The following PPL variants were observed in gnomAD, a reference collection of about 807,000 sequenced individuals.
The protein encoded by PPL is 190 kDa paraneoplastic pemphigus antigen.
PPL carries 198 observed loss-of-function variants against 194.4 expected under a neutral mutation model. The observed-to-expected ratio is 1.02, with a 90% confidence interval of 0.91 to 1.15. The LOEUF (loss-of-function observed/expected upper bound fraction) is 1.15, where lower values mean the gene tolerates loss of function less well. PPL is among the 50% of genes most tolerant of loss of function. The pLI is 0.00. For missense variants in PPL, 2,885 were observed against 2,294.8 expected (o/e 1.26, Z -5.25); for synonymous variants, 1,220 against 972.4 (o/e 1.25, Z -4.74).
Position 4,897,698 on chromosome 16 carries a change from T to C in PPL, c.949A>G (p.Lys317Glu). 6.2e-7 allele frequency: 1 copy of C among 1,613,684 alleles called. No individual in the cohort carries two copies. The highest frequency in any genetic ancestry group is 8.5e-7 in the Non-Finnish European group (1 of 1,179,830). ...ACCTGGTGGTAGTCCTCCATGTACT[T>C]GAGGTGGCTCTCCTCGCAGATGAGC... ...NLLICEESHL[K>E]YMEDYHQFHE... The change falls in exon 9 of 22, where the codon AAG becomes GAG. Residue 317 changes from lysine (K) to glutamate (E), a missense_variant. Lys to Glu is a moderately conservative substitution (Grantham distance 56). Transcript: ENST00000345988.
chr16:4,930,683 C>T (rs8049476), intron 1 of PPL, among the ~76,000 whole-genome samples: 28,864 of 152,104 alleles, frequency 0.19, 3,322 homozygotes, highest in African/African-American at 0.31. Context: ...TGGATCTACC[C>T]CAGCAGAGAG....
intron 18 of PPL, among the ~76,000 whole-genome samples, chr16:4,889,274 T>A (rs1459430181): frequency 1.0e-5 from 1 of 99,480 alleles, no homozygotes; most frequent in South Asian, 3.2e-4. Context: ...TTTTTTTTTT[T>A]GAGACAGTCT....
intron 11 of PPL, among the ~76,000 whole-genome samples, 175 bp from the exon 12 acceptor site, chr16:4,894,793 C>T (rs1368385609): frequency 1.3e-5 from 2 of 152,180 alleles, no homozygotes; most frequent in Admixed American, 6.5e-5. Flanking sequence ...GGCTGCCGGC[C>T]CAGCAACCCA....
At position 4,902,115 on chromosome 16, in the gene PPL, ACCAAGACC is replaced by A. The variant is rs1407401952; in HGVS notation, c.438+283_438+290del. Among the ~76,000 whole-genome samples, 1 of 152,162 alleles carries A rather than the reference ACCAAGACC, an allele frequency of 6.6e-6. No homozygotes were observed. Among genetic ancestry groups the A allele is most frequent in the Admixed American group, 6.6e-5 (1 of 15,262 alleles). On this transcript the variant is annotated intron_variant, in intron 4 of 21. Coordinates refer to ENST00000345988, the MANE Select transcript of PPL (RefSeq NM_002705.5). The surrounding 1 kb of genome is among the most constrained non-coding windows in gnomAD (Gnocchi z 4.0). ...CGCCCCAGCCTGCCCACAAAATGTC[ACCAAGACC>A]CCAACATGCCAGGGTTGGAAAGTGG...
intron 2 of PPL, among the ~76,000 whole-genome samples, chr16:4,905,779 C>G (rs944627813): frequency 6.6e-6 from 1 of 152,080 alleles, no homozygotes; most frequent in African/African-American, 2.4e-5. Context: ...GCCTGACTCC[C>G]CAGGGGGTTG....
chr16:4,926,888 AAAAAC>A (rs1568061140), intron 1 of PPL, among the ~76,000 whole-genome samples: 2 of 115,880 alleles, frequency 1.7e-5, no homozygotes, highest in Non-Finnish European at 3.8e-5. Context: ...CAAAAAAAAA[AAAAAC>A]AAAAAAAAAC....
At chr16:4,929,168 G>A (rs1399695911) in intron 1 of PPL, among the ~76,000 whole-genome samples, 1 of 151,750 alleles carries the variant, frequency 6.6e-6, no homozygotes, top group African/African-American at 2.4e-5. Flanking sequence ...TTTTAAGCTA[G>A]CACCCAACCT....
intron 20 of PPL, among the ~76,000 whole-genome samples, chr16:4,887,648 A>T (rs1442303802): frequency 1.3e-5 from 2 of 152,158 alleles, no homozygotes; most frequent in Admixed American, 6.5e-5. Flanking sequence ...TTTCACTCAG[A>T]CTGAAGTGCC....
chr16:4,925,893 A>C (rs1387233722), intron 1 of PPL, among the ~76,000 whole-genome samples: 5 of 152,228 alleles, frequency 3.3e-5, no homozygotes, highest in Admixed American at 6.5e-5. Context: ...TTCACCACCC[A>C]GGGAAGCAGA....
At chr16:4,900,934 G>A (rs1221667753) in intron 5 of PPL, 30 bp downstream of exon 5, 10 of 1,613,940 alleles carry the variant, frequency 6.2e-6, no homozygotes, top group Non-Finnish European at 6.8e-6. Flanking sequence ...CTCCATCCCT[G>A]GGTCCCCACC....
chr16:4,908,422 T>TTGTCTCTC (rs796281911), intron 2 of PPL, among the ~76,000 whole-genome samples: 10,339 of 148,422 alleles, frequency 0.07, 356 homozygotes, highest in African/African-American at 0.08. Flanking sequence ...TCTTCCTTCT[T>TTGTCTCTC]TCTCTCTCTC....
At chr16:4,935,974 C>T (rs1008528494) in intron 1 of PPL, among the ~76,000 whole-genome samples, 1 of 152,196 alleles carries the variant, frequency 6.6e-6, no homozygotes, top group East Asian at 1.9e-4. Context: ...TCCTTGCTAG[C>T]CCAGAGCCCC....
Position 4,883,297 on chromosome 16 carries a change from G to T in PPL, c.*87C>A. 6.3e-7 allele frequency: 1 copy of T among 1,576,306 alleles called. No individual in the cohort carries two copies. The highest frequency in any genetic ancestry group is 8.6e-7 in the Non-Finnish European group (1 of 1,161,742). On this transcript the variant is annotated 3_prime_UTR_variant, in exon 22 of 22. Transcript: ENST00000345988. This position sits in a 1 kb window ranked among gnomAD's most constrained non-coding sequence, Gnocchi z 4.8. ...GTATAAAATGCTTGGCCTGCACCAG[G>T]GCAAGGGAGAGGACGACACCAAGGA... is the stretch of plus-strand genomic sequence containing the variant.
At chr16:4,896,859 T>C (rs1182539362) in intron 9 of PPL, among the ~76,000 whole-genome samples, 2 of 151,702 alleles carry the variant, frequency 1.3e-5, no homozygotes, top group Admixed American at 1.3e-4. Context: ...GGTCTTGAAC[T>C]CCTGACCTCA....
rs567547679 is a variant in PPL, at chr16:4,902,957, G to A, written c.318-431C>T. The stretch of plus-strand genomic sequence containing the variant: ...GTCCGCTTCGGCCTCCCGAAGTGCT[G>A]GGATCACAGGCGTGAGCCACCGTGC... On this transcript the variant is annotated intron_variant, in intron 3 of 21. Transcript: ENST00000345988. This position sits in a 1 kb window ranked among gnomAD's most constrained non-coding sequence, Gnocchi z 4.0. Among the ~76,000 whole-genome samples, 87 of 152,318 alleles carry A rather than the reference G, an allele frequency of 5.7e-4. No individual in the cohort carries two copies. The highest frequency in any genetic ancestry group is 2.0e-3 in the African/African-American group (82 of 41,574).
intron 1 of PPL, among the ~76,000 whole-genome samples, chr16:4,924,794 A>G (rs2089125156): frequency 6.6e-6 from 1 of 151,602 alleles, no homozygotes; most frequent in Admixed American, 6.6e-5. Flanking sequence ...TGCTGGAGGC[A>G]CCTGGCCTGC....
At chr16:4,921,457 A>G (rs1430203089) in intron 1 of PPL, among the ~76,000 whole-genome samples, 2 of 152,138 alleles carry the variant, frequency 1.3e-5, no homozygotes, top group African/African-American at 2.4e-5. Context: ...CTCAGTAGAC[A>G]CAGCCCGACC....
rs771805454 is a variant in PPL at position 4,887,139 on chromosome 16, C to T, written c.2603G>A (p.Arg868Lys). 1.2e-6 allele frequency: 2 copies of T among 1,611,030 alleles called. No individual in the cohort carries two copies. The highest frequency in any genetic ancestry group is 1.3e-5 in the African/African-American group (1 of 74,876). The change falls in exon 21 of 22, where the codon AGA (arginine) becomes AAA (lysine). Residue 868 changes from arginine (R) to lysine (K), a missense_variant. Coordinates refer to ENST00000345988, the MANE Select transcript of PPL (RefSeq NM_002705.5). The stretch of plus-strand genomic sequence containing the variant: ...TTTCTTACTAAGATCAGTTACCTGT[C>T]TGAGGAGATTCAGAGCAAACTCCAG... ...QNLEFALNLL[R>K]QQPEVEVTHE...
At chr16:4,894,875 G>A (rs559623660) in intron 11 of PPL, among the ~76,000 whole-genome samples, 2 of 152,270 alleles carry the variant, frequency 1.3e-5, no homozygotes, top group South Asian at 2.1e-4. Context: ...CCATTCCCAA[G>A]CTCCAGATGG....
Sources: gnomAD v4.1 joint callset for allele counts (sites outside exome capture counted in the v4.1 genomes callset) on GRCh38, gnomAD v4.1.1 for gene constraint, Gnocchi (gnomAD v3.1) non-coding constraint, MANE v1.5 for transcripts, NCBI Gene and HGNC (gene_info 2026-07-23, HGNC 2026-07-21) for gene names.